The following IPO11 variants were observed in gnomAD, a reference collection of about 807,000 sequenced individuals.
The protein encoded by IPO11 is importin 11.
A neutral mutation model predicts 143.2 loss-of-function variants in IPO11; 66 were observed. The observed-to-expected ratio is 0.46, with a 90% CI of 0.38 to 0.57. The LOEUF (loss-of-function observed/expected upper bound fraction) is 0.57. Among genes scored for constraint, IPO11 ranks in the 20% least tolerant of loss-of-function variants. The pLI is 0.00. For missense variants in IPO11, 1,026 were observed against 1,141.0 expected (o/e 0.90, Z 1.45); for synonymous variants, 385 against 377.8 (o/e 1.02, Z -0.22).
intron 1 of IPO11, among the ~76,000 whole-genome samples, chr5:62,416,648 TCAG>T (rs1321077013): frequency 6.6e-6 from 1 of 152,128 alleles, no homozygotes; most frequent in East Asian, 1.9e-4. Flanking sequence ...TCCATAACAT[TCAG>T]TTACTCCTTT....
intron 9 of IPO11, among the ~76,000 whole-genome samples, chr5:62,479,767 C>T (rs1746114242): frequency 6.6e-6 from 1 of 152,054 alleles, no homozygotes; most frequent in Non-Finnish European, 1.5e-5. Context: ...TGTCCTTTGC[C>T]CACTTTTTGA....
At chr5:62,500,332 G>C (rs1741306944) in intron 16 of IPO11, among the ~76,000 whole-genome samples, 1 of 152,124 alleles carries the variant, frequency 6.6e-6, no homozygotes, top group Admixed American at 6.6e-5. Flanking sequence ...CCTACTGAAG[G>C]ACCTGCCTGA....
chr5:62,606,703 G>T (rs558681812), intron 29 of IPO11, among the ~76,000 whole-genome samples: 1 of 152,120 alleles, frequency 6.6e-6, no homozygotes, highest in Non-Finnish European at 1.5e-5. Flanking sequence ...CGGGCGTGGT[G>T]GCATGCGCCT....
chr5:62,561,975 G>T (rs1743788158), intron 27 of IPO11: 1 of 152,194 alleles, frequency 6.6e-6, no homozygotes, highest in Non-Finnish European at 1.5e-5. Context: ...CATGGATGTG[G>T]TATGGGACAT....
chr5:62,425,617 C>T (rs1377816109), intron 1 of IPO11, among the ~76,000 whole-genome samples: 1 of 152,124 alleles, frequency 6.6e-6, no homozygotes, highest in Non-Finnish European at 1.5e-5. Context: ...CACGCCTGGC[C>T]AATTCAAATT....
At position 62,463,971 on chromosome 5, in the gene IPO11, G is replaced by A. The variant is rs573856113; in HGVS notation, c.517-3160G>A. 1.3e-4 allele frequency among the ~76,000 whole-genome samples: 19 copies of A among 151,462 alleles called. No homozygotes were observed. The South Asian group carries it at 4.0e-3, about 32-fold the overall frequency. ...CCCGAGTAGCTGGGATTACAGGCAC[G>A]TGCCACCACGCCCAGCTAATTTTTG... On this transcript the variant is annotated intron_variant, in intron 5 of 29. Coordinates refer to ENST00000325324, the MANE Select transcript of IPO11 (RefSeq NM_016338.5).
chr5:62,533,460 C>T (rs1561351879), intron 22 of IPO11, among the ~76,000 whole-genome samples: 2 of 152,118 alleles, frequency 1.3e-5, no homozygotes, highest in Non-Finnish European at 2.9e-5. Context: ...GATCCACCCA[C>T]TTTGGCCTCT....
At chr5:62,418,549 A>T (rs1046732870) in intron 1 of IPO11, among the ~76,000 whole-genome samples, 1 of 152,234 alleles carries the variant, frequency 6.6e-6, no homozygotes, top group Non-Finnish European at 1.5e-5. Context: ...TAATAGCATT[A>T]TGCAGAAAAA....
At chr5:62,626,653 A>G (rs1189356999) in intron 29 of IPO11, among the ~76,000 whole-genome samples, 3 of 149,780 alleles carry the variant, frequency 2.0e-5, no homozygotes, top group African/African-American at 7.4e-5. Flanking sequence ...CCAGTGGGAG[A>G]CGAGGAGTCC....
At chr5:62,599,799 C>G (rs917694060) in intron 28 of IPO11, among the ~76,000 whole-genome samples, 8 of 152,198 alleles carry the variant, frequency 5.3e-5, no homozygotes, top group African/African-American at 1.9e-4. Context: ...AGTCTACACA[C>G]TTCAGTTTAT....
intron 24 of IPO11, among the ~76,000 whole-genome samples, chr5:62,549,982 T>C (rs1018223636): frequency 5.3e-5 from 8 of 152,236 alleles, no homozygotes; most frequent in Admixed American, 5.2e-4. Flanking sequence ...ACTTCCTGTT[T>C]AGCTATCAAA....
intron 15 of IPO11, among the ~76,000 whole-genome samples, chr5:62,491,281 A>G (rs952126857): frequency 2.6e-5 from 4 of 152,228 alleles, no homozygotes; most frequent in Non-Finnish European, 5.9e-5. Context: ...CTCTTCAGTT[A>G]TTCAATCATT....
chr5:62,499,092 C>T (rs1377160038), intron 16 of IPO11, among the ~76,000 whole-genome samples: 2 of 152,124 alleles, frequency 1.3e-5, no homozygotes, highest in Non-Finnish European at 2.9e-5. Context: ...CGTTGACTAC[C>T]AACCAGCATA....
chr5:62,571,319 C>A (rs1744125257), intron 27 of IPO11, among the ~76,000 whole-genome samples: 1 of 152,130 alleles, frequency 6.6e-6, no homozygotes. Context: ...TGAAGTTGGA[C>A]CAGTTTTCTG....
At chr5:62,448,019 A>G (rs544693048) in intron 3 of IPO11, among the ~76,000 whole-genome samples, 2 of 152,050 alleles carry the variant, frequency 1.3e-5, no homozygotes, top group South Asian at 2.1e-4. Flanking sequence ...CCAGCCTCAC[A>G]CTTTGTTTTC....
chr5:62,484,192 A>T, intron 11 of IPO11, 30 bp downstream of exon 11: 1 of 1,550,550 alleles, frequency 6.4e-7, no homozygotes, highest in Admixed American at 2.1e-5. Flanking sequence ...TGTTAGAATG[A>T]CTTTTCTCCC....
chr5:62,530,878 G>T (rs1320878544), intron 22 of IPO11, 93 bp downstream of exon 22: 3 of 937,150 alleles, frequency 3.2e-6, no homozygotes, highest in Non-Finnish European at 3.4e-6. Context: ...CAACAAAGTT[G>T]TAAGTTCAAC....
intron 27 of IPO11, among the ~76,000 whole-genome samples, chr5:62,578,067 G>GAT (rs1580344260): frequency 6.6e-6 from 1 of 151,986 alleles, no homozygotes; most frequent in Non-Finnish European, 1.5e-5. Context: ...AACTGATACA[G>GAT]ATATATATAG....
chr5:62,611,571 G>C (rs1745927834), intron 29 of IPO11, among the ~76,000 whole-genome samples: 1 of 152,144 alleles, frequency 6.6e-6, no homozygotes, highest in Non-Finnish European at 1.5e-5. Context: ...TTGTTCTTGA[G>C]TATTGCATAG....
Sources: allele counts gnomAD v4.1 joint callset (sites outside exome capture counted in the v4.1 genomes callset), GRCh38; gene constraint gnomAD v4.1.1; transcripts MANE v1.5; gene names NCBI Gene and HGNC (gene_info 2026-07-23, HGNC 2026-07-21).